Variants in RAB38 observed in about 807,000 individuals in gnomAD.
RAB38 encodes the protein RAB38, member RAS oncogene family.
In RAB38, 15 loss-of-function variants were observed where a neutral mutation model predicts 18.4. The ratio of observed to expected loss-of-function variants is 0.82; its 90% CI spans 0.55 to 1.26. The LOEUF (loss-of-function observed/expected upper bound fraction) is 1.26. Among genes scored for constraint, RAB38 ranks in the 50% most tolerant of loss-of-function variants. The probability of loss-of-function intolerance (pLI) is 0.00; values close to 1 mark genes in which losing one functional copy is unlikely to be tolerated. For missense variants in RAB38, 294 were observed against 267.4 expected (o/e 1.10, Z -0.69); for synonymous variants, 101 against 104.4 (o/e 0.97, Z 0.20).
the RAB38 span, among the ~76,000 whole-genome samples, chr11:87,930,368 G>A: frequency 6.6e-6 from 1 of 152,270 alleles, no homozygotes; most frequent in South Asian, 2.1e-4. Flanking sequence ...GTCTTCTTTT[G>A]AGAAGTGTCT....
At chr11:87,854,168 T>A in the RAB38 span, among the ~76,000 whole-genome samples, 1 of 152,202 alleles carries the variant, frequency 6.6e-6, no homozygotes, top group African/African-American at 2.4e-5. Context: ...TATAAGGTGA[T>A]ATATTCATAG....
the RAB38 span, among the ~76,000 whole-genome samples, chr11:87,864,220 G>C: frequency 4.6e-5 from 7 of 151,540 alleles, no homozygotes; most frequent in Admixed American, 6.6e-5. Flanking sequence ...TTTCTTAGTT[G>C]TGTCAGTCCC....
At chr11:87,868,583 G>GAA in the RAB38 span, among the ~76,000 whole-genome samples, 1 of 3,872 alleles carries the variant, frequency 2.6e-4, no homozygotes, top group East Asian at 5.6e-3. Context: ...GTGAGGGAGA[G>GAA]AGAGAGAGAG....
the RAB38 span, among the ~76,000 whole-genome samples, chr11:88,078,340 A>G: frequency 4.6e-5 from 7 of 152,014 alleles, no homozygotes; most frequent in African/African-American, 1.7e-4. Flanking sequence ...AAGAAATTCA[A>G]TCTATTGAAG....
the RAB38 span, among the ~76,000 whole-genome samples, chr11:88,032,176 T>C: frequency 6.6e-6 from 1 of 152,054 alleles, no homozygotes. Flanking sequence ...TGGCTAGCCA[T>C]ATGTAGAAAG....
At chr11:88,127,975 GTAGTGCT>G (rs1296530530) in intron 2 of RAB38, among the ~76,000 whole-genome samples, 33 of 152,374 alleles carry the variant, frequency 2.2e-4, no homozygotes, top group African/African-American at 7.9e-4. Context: ...CTGTTGGCAT[GTAGTGCT>G]TACAATGTAA....
chr11:87,948,536 C>T, the RAB38 span, among the ~76,000 whole-genome samples: 2 of 151,892 alleles, frequency 1.3e-5, no homozygotes. Context: ...GTGGGTTTGT[C>T]ATAGATAGCT....
At chr11:88,022,619 A>AAAAAC in the RAB38 span, among the ~76,000 whole-genome samples, 1 of 145,090 alleles carries the variant, frequency 6.9e-6, no homozygotes, top group African/African-American at 2.8e-5. Context: ...CACAAAAAAA[A>AAAAAC]AAAAAAAAAA....
At chr11:87,958,738 A>C in the RAB38 span, among the ~76,000 whole-genome samples, 7 of 152,192 alleles carry the variant, frequency 4.6e-5, no homozygotes, top group Non-Finnish European at 8.8e-5. Flanking sequence ...TAGCTCCAAT[A>C]ATAAGCACTA....
At chr11:88,137,519 A>G (rs1202100098) in intron 2 of RAB38, among the ~76,000 whole-genome samples, 1 of 152,204 alleles carries the variant, frequency 6.6e-6, no homozygotes, top group East Asian at 1.9e-4. Flanking sequence ...ACTAATAAAC[A>G]GAATAAAACA....
the RAB38 span, among the ~76,000 whole-genome samples, chr11:88,049,250 A>T: frequency 2.0e-5 from 3 of 152,172 alleles, no homozygotes; most frequent in Non-Finnish European, 4.4e-5. Flanking sequence ...CTAAGCCATC[A>T]CATCCCCTGT....
In RAB38 at chr11:88,113,800, G is replaced by T; in HGVS notation, c.*188C>A. 1 of 697,536 alleles carries T rather than the reference G, an allele frequency of 1.4e-6. No individual in the cohort carries two copies. Among genetic ancestry groups the T allele is most frequent in the South Asian group, 2.2e-5 (1 of 46,054 alleles). The allele number at this position is 697,536 out of a possible 1,614,324, so 43.2% of individuals were successfully genotyped here. On this transcript the variant is annotated 3_prime_UTR_variant, in exon 3 of 3. Coordinates refer to ENST00000243662, the MANE Select transcript of RAB38 (RefSeq NM_022337.3). ...ATATTTTCAAAAGTTTGTAAACACTGTGATGATGGTGAGGAAAGCATAGAA... is the reference window on the plus strand; with the variant it reads ...ATATTTTCAAAAGTTTGTAAACACTTTGATGATGGTGAGGAAAGCATAGAA...
the RAB38 span, among the ~76,000 whole-genome samples, chr11:87,925,889 C>G: frequency 3.0e-3 from 449 of 152,044 alleles, 3 homozygotes; most frequent in South Asian, 0.012. Flanking sequence ...GATTTTGACA[C>G]GAACTCATCT....
chr11:87,920,722 C>A, the RAB38 span, among the ~76,000 whole-genome samples: 1 of 152,040 alleles, frequency 6.6e-6, no homozygotes, highest in Non-Finnish European at 1.5e-5. Context: ...CTGTCCATTA[C>A]TGAACATGGG....
At chr11:87,879,639 T>C in the RAB38 span, 1 of 151,722 alleles carries the variant, frequency 6.6e-6, no homozygotes, top group Non-Finnish European at 1.5e-5. Flanking sequence ...GTGGGCTTTC[T>C]TCTGGAGATT....
chr11:87,960,983 A>G, the RAB38 span, among the ~76,000 whole-genome samples: 347 of 152,350 alleles, frequency 2.3e-3, 2 homozygotes, highest in African/African-American at 7.9e-3. Context: ...ATTCCTGAAC[A>G]GAGAATTCAC....
chr11:88,162,722 C>T (rs1426928), intron 1 of RAB38, among the ~76,000 whole-genome samples: 37,487 of 152,000 alleles, frequency 0.25, 4,671 homozygotes, highest in Admixed American at 0.27. Context: ...CTTGCCTTCA[C>T]GATGATTCCA....
chr11:87,819,782 ATG>A, the RAB38 span, among the ~76,000 whole-genome samples: 10 of 128,512 alleles, frequency 7.8e-5, no homozygotes, highest in African/African-American at 2.7e-4. Flanking sequence ...ATATATATAT[ATG>A]TATATATGTG....
At chr11:88,071,490 G>T in the RAB38 span, among the ~76,000 whole-genome samples, 1 of 152,102 alleles carries the variant, frequency 6.6e-6, no homozygotes, top group Non-Finnish European at 1.5e-5. Context: ...ACAGAGTTCT[G>T]CTCTCAGTAG....
Sources: gnomAD v4.1 joint callset for allele counts (sites outside exome capture counted in the v4.1 genomes callset) on GRCh38, gnomAD v4.1.1 for gene constraint, MANE v1.5 for transcripts, NCBI Gene and HGNC (gene_info 2026-07-23, HGNC 2026-07-21) for gene names.